The following IKBKB variants were observed in gnomAD, a reference collection of about 807,000 sequenced individuals.
IKBKB encodes inhibitor of nuclear factor kappa B kinase subunit beta.
Under a neutral mutation model 113.6 loss-of-function variants are expected in IKBKB, and 42 were observed. That is an observed-to-expected ratio of 0.37 (90% confidence interval 0.29 to 0.48). The LOEUF is 0.48. Among genes scored for constraint, IKBKB ranks in the 20% least tolerant of loss-of-function variants. The pLI is 0.99. For missense variants in IKBKB, 673 were observed against 939.7 expected (o/e 0.72, Z 3.71); for synonymous variants, 296 against 361.3 (o/e 0.82, Z 2.05).
rs538750512 is a variant in IKBKB, at chr8:42,322,631, C to T, written c.1986+137C>T. The T allele has an allele frequency of 2.8e-4, 244 of 859,274 alleles. 6 individuals are homozygous for T. In the South Asian group the frequency reaches 3.0e-3, roughly 11 times the overall value. 53.2% of individuals were successfully genotyped at this position (859,274 alleles called of 1,614,324 possible). On this transcript the variant is annotated intron_variant, in intron 19 of 21. Coordinates refer to ENST00000520810, the MANE Select transcript of IKBKB (RefSeq NM_001556.3). ...CTCAGCTGCTGCTCGGGCTTCACGT[C>T]GCTGTTCTTTGACTTGGTGTAAGCG... is the stretch of plus-strand genomic sequence containing the variant.
chr8:42,292,422 C>T (rs1812827646), intron 4 of IKBKB, among the ~76,000 whole-genome samples: 1 of 152,190 alleles, frequency 6.6e-6, no homozygotes, highest in South Asian at 2.1e-4. Context: ...CCTAAGGGAC[C>T]CCTGTCCTTG....
chr8:42,320,719 A>G lies in IKBKB; in HGVS notation c.1579-16A>G, dbSNP rs771254726. ...GCCTACCACATCAGTTGACATTAGCACAGCTTTTCCATTAGGAGAACGAAG... is the reference window on the plus strand; with the variant it reads ...GCCTACCACATCAGTTGACATTAGCGCAGCTTTTCCATTAGGAGAACGAAG... On this transcript the variant is annotated splice_polypyrimidine_tract_variant and intron_variant, in intron 15 of 21. Transcript: ENST00000520810. 1.1e-5 allele frequency: 17 copies of G among 1,604,436 alleles called. No individual in the cohort carries two copies. In the African/African-American group the frequency reaches 1.6e-4, roughly 15 times the overall value.
chr8:42,331,115 G>A lies in IKBKB; in HGVS notation c.*136G>A. 1 of 1,344,428 alleles carries A rather than the reference G, an allele frequency of 7.4e-7. No individual in the cohort carries two copies. The allele number at this position is 1,344,428 out of a possible 1,614,324, so 83.3% of individuals were successfully genotyped here. The stretch of plus-strand genomic sequence containing the variant: ...GCTGCCTGGCCGCGGCTCTCACATG[G>A]TGGTTCCTGCTGCACTGATGGCCCA... On this transcript the variant is annotated 3_prime_UTR_variant, in exon 22 of 22. Coordinates refer to ENST00000520810, the MANE Select transcript of IKBKB (RefSeq NM_001556.3).
chr8:42,297,382 G>A (rs932235117), intron 5 of IKBKB, among the ~76,000 whole-genome samples: 15 of 152,158 alleles, frequency 9.9e-5, no homozygotes, highest in Non-Finnish European at 1.9e-4. Flanking sequence ...GCTGTTCTCT[G>A]CCAGGTTGAC....
intron 2 of IKBKB, among the ~76,000 whole-genome samples, chr8:42,276,807 G>A (rs539638163): frequency 6.7e-6 from 1 of 149,278 alleles, no homozygotes; most frequent in Admixed American, 6.7e-5. Context: ...CGATTCTCCT[G>A]CCTCAGCCTC....
chr8:42,302,647 C>T (rs1238071030), intron 5 of IKBKB, among the ~76,000 whole-genome samples: 1 of 151,904 alleles, frequency 6.6e-6, no homozygotes, highest in East Asian at 1.9e-4. Context: ...TATAAAATTA[C>T]CATCAGACTA....
chr8:42,308,574 AC>A (rs2130558616), intron 7 of IKBKB, among the ~76,000 whole-genome samples: 1 of 152,270 alleles, frequency 6.6e-6, no homozygotes, highest in East Asian at 1.9e-4. Context: ...CTGGGATTAC[AC>A]GTGTGAGCCA....
At chr8:42,297,836 A>G (rs1297322505) in intron 5 of IKBKB, among the ~76,000 whole-genome samples, 1 of 152,152 alleles carries the variant, frequency 6.6e-6, no homozygotes, top group Admixed American at 6.5e-5. Flanking sequence ...CAGAGGTTGC[A>G]GTGAGCCGAG....
chr8:42,330,476 A>C, intron 21 of IKBKB: 1 of 184,674 alleles, frequency 5.4e-6, no homozygotes. Context: ...ATGAGCCACC[A>C]TACCCAGCCA....
intron 5 of IKBKB, chr8:42,298,068 C>T (rs1056243268): frequency 1.9e-5 from 19 of 984,880 alleles, no homozygotes; most frequent in African/African-American, 1.7e-5. Context: ...CCTAAAATAG[C>T]TCAAGGAAGT....
rs1437991210 is a variant in IKBKB at position 42,331,414 on chromosome 8, C to G, written c.*435C>G. The G allele has an allele frequency of 1.4e-6, 1 of 702,718 alleles. No individual in the cohort carries two copies. The allele number at this position is 702,718 out of a possible 1,614,324, so 43.5% of individuals were successfully genotyped here. On this transcript the variant is annotated 3_prime_UTR_variant, in exon 22 of 22. Transcript: ENST00000520810. ...CAATTCAAATCTTTCAGGGCAGAGT[C>G]CGAGCAGCGCTTGGTGACAGCCTGT...
chr8:42,295,029 AT>A (rs371376259), intron 5 of IKBKB, among the ~76,000 whole-genome samples: 5,690 of 115,916 alleles, frequency 0.049, 128 homozygotes, highest in African/African-American at 0.064. Flanking sequence ...TCAAGTTATT[AT>A]TTTTTTTTTG....
intron 11 of IKBKB, chr8:42,317,154 A>G (rs1314988617): frequency 5.6e-6 from 3 of 531,144 alleles, no homozygotes; most frequent in Admixed American, 2.9e-5. Flanking sequence ...GCAAAAAATG[A>G]TGCTATAACA....
At chr8:42,305,558 G>C (rs1273476602) in intron 6 of IKBKB, among the ~76,000 whole-genome samples, 1 of 152,120 alleles carries the variant, frequency 6.6e-6, no homozygotes, top group Non-Finnish European at 1.5e-5. Flanking sequence ...TGGGACTAGC[G>C]CTTCTTGGAA....
chr8:42,314,962 A>G (rs1298487632), intron 9 of IKBKB, among the ~76,000 whole-genome samples: 1 of 152,212 alleles, frequency 6.6e-6, no homozygotes, highest in Non-Finnish European at 1.5e-5. Flanking sequence ...ATAACAATTT[A>G]TCTATACCTC....
intron 2 of IKBKB, among the ~76,000 whole-genome samples, chr8:42,276,083 C>T (rs1265330173): frequency 6.6e-6 from 1 of 152,132 alleles, no homozygotes; most frequent in African/African-American, 2.4e-5. Context: ...TCAGGTGATC[C>T]GCCTGCCTCA....
intron 2 of IKBKB, among the ~76,000 whole-genome samples, chr8:42,285,963 TG>T (rs1811346400): frequency 6.6e-6 from 1 of 152,206 alleles, no homozygotes; most frequent in Non-Finnish European, 1.5e-5. Flanking sequence ...TGTTGTGGGA[TG>T]GCAGACATGT....
intron 4 of IKBKB, among the ~76,000 whole-genome samples, chr8:42,291,971 T>C (rs1181980921): frequency 1.3e-5 from 2 of 152,040 alleles, no homozygotes; most frequent in African/African-American, 4.8e-5. Context: ...AAGAGACAGA[T>C]AAATAAAATA....
In IKBKB at chr8:42,316,957, G is replaced by A. The variant is rs1818801087; in HGVS notation, c.1125+53G>A. ...CTGTTTACCTTGGCTGTGCCTCCTG[G>A]GAAACTCAACACACTTTCAGATTTC... On this transcript the variant is annotated intron_variant, in intron 11 of 21. Transcript: ENST00000520810. This position sits in a 1 kb window ranked among gnomAD's most constrained non-coding sequence, Gnocchi z 4.5. 1.3e-6 allele frequency: 2 copies of A among 1,513,468 alleles called. No homozygotes were observed. Among genetic ancestry groups the A allele is most frequent in the East Asian group, 2.3e-5 (1 of 43,620 alleles). The allele number at this position is 1,513,468 out of a possible 1,614,324, so 93.8% of individuals were successfully genotyped here.
Sources: allele counts gnomAD v4.1 joint callset (sites outside exome capture counted in the v4.1 genomes callset), GRCh38; gene constraint gnomAD v4.1.1; non-coding constraint Gnocchi (gnomAD v3.1); transcripts MANE v1.5; gene names NCBI Gene and HGNC (gene_info 2026-07-23, HGNC 2026-07-21).